Variants in UBE3D observed in about 807,000 individuals in gnomAD.
The protein encoded by UBE3D is E3 ubiquitin-protein ligase E3D.
Under a neutral mutation model 49.6 loss-of-function variants are expected in UBE3D, and 48 were observed. That is an observed-to-expected ratio of 0.97 (90% confidence interval 0.77 to 1.23). The LOEUF is 1.23. Ranked by LOEUF, UBE3D falls within the 50% of genes most tolerant of loss-of-function variation. The pLI is 0.00. For synonymous variants in UBE3D, 189 were observed against 174.2 expected, an observed-to-expected ratio of 1.08 and a Z score of -0.67; for missense variants, 452 against 468.4, an observed-to-expected ratio of 0.96 and a Z score of 0.32.
At position 82,957,390 on chromosome 6, in the gene UBE3D, G is replaced by A. The variant is rs757867856; in HGVS notation, c.1071C>T (p.Thr357=). 5.0e-6 allele frequency: 8 copies of A among 1,613,964 alleles called. No homozygotes were observed. Among genetic ancestry groups the A allele is most frequent in the Non-Finnish European group, 6.8e-6 (8 of 1,180,018 alleles). ...ACAATATCAACAGCAGCTCCAAGCA[G>A]GTTGCAGAGGGCAGGGTTAGCGGGT... ...SVHPLTLPSA[T]CLELLLILSK... is the part of the protein sequence containing the mutation. Residue 357 remains threonine (T), a synonymous_variant, in exon 9 of 10, where the codon ACC becomes ACT. Coordinates refer to ENST00000369747, the MANE Select transcript of UBE3D (RefSeq NM_198920.3).
chr6:82,953,208 T>C (rs1290179873), intron 9 of UBE3D, among the ~76,000 whole-genome samples: 1 of 152,216 alleles, frequency 6.6e-6, no homozygotes, highest in Non-Finnish European at 1.5e-5. Flanking sequence ...GCACCTCTAA[T>C]GCCTACTGCG....
chr6:83,062,024 T>C (rs1784201708), intron 1 of UBE3D, among the ~76,000 whole-genome samples: 1 of 152,226 alleles, frequency 6.6e-6, no homozygotes, highest in Non-Finnish European at 1.5e-5. Context: ...TTGTAACTTT[T>C]TTCTCCCCAT....
chr6:82,908,269 G>C (rs1048038878), intron 9 of UBE3D, among the ~76,000 whole-genome samples: 1 of 152,130 alleles, frequency 6.6e-6, no homozygotes, highest in Non-Finnish European at 1.5e-5. Context: ...GGTTACATGG[G>C]TGTGTATTAG....
intron 8 of UBE3D, among the ~76,000 whole-genome samples, chr6:82,976,092 A>C (rs1250357002): frequency 6.6e-6 from 1 of 152,254 alleles, no homozygotes; most frequent in Non-Finnish European, 1.5e-5. Context: ...ATTTTCATTA[A>C]CCAGGAACAA....
intron 8 of UBE3D, among the ~76,000 whole-genome samples, chr6:83,013,198 G>T (rs1780468700): frequency 6.6e-6 from 1 of 152,208 alleles, no homozygotes; most frequent in African/African-American, 2.4e-5. Context: ...CCCAGTTCAT[G>T]ATAGTCAGTT....
chr6:82,946,774 TTAAAGTG>T lies in UBE3D; in HGVS notation c.1149+10531_1149+10537del, dbSNP rs1178504214. ...GTTAATTAAAAAGTGGGGGACAAAGTTAAAGTGTAGAGTTTTTATTAGTTTTCTTTTT... is the reference window on the plus strand; with the variant it reads ...GTTAATTAAAAAGTGGGGGACAAAGTTAGAGTTTTTATTAGTTTTCTTTTT... On this transcript the variant is annotated intron_variant, in intron 9 of 9. Transcript: ENST00000369747. 2.0e-5 allele frequency among the ~76,000 whole-genome samples: 3 copies of T among 151,572 alleles called. No individual in the cohort carries two copies. In the East Asian group the frequency reaches 5.8e-4, roughly 29 times the overall value.
At chr6:83,065,562 C>G (rs1435811727) in intron 1 of UBE3D, 80 bp downstream of exon 1, 44 of 1,354,582 alleles carry the variant, frequency 3.2e-5, no homozygotes, top group Non-Finnish European at 4.5e-5. Context: ...ATCCCTCGTA[C>G]AGAGAGAGAC....
chr6:82,926,556 C>T (rs768031564), intron 9 of UBE3D, among the ~76,000 whole-genome samples: 5 of 152,130 alleles, frequency 3.3e-5, no homozygotes, highest in Non-Finnish European at 5.9e-5. Flanking sequence ...GCATTCTTCC[C>T]AGCAATCAAT....
chr6:82,883,354 C>T, the UBE3D span, among the ~76,000 whole-genome samples: 15 of 152,100 alleles, frequency 9.9e-5, no homozygotes, highest in Non-Finnish European at 1.5e-4. Context: ...CGATCATACC[C>T]TATTGACCCA....
intron 1 of UBE3D, among the ~76,000 whole-genome samples, chr6:83,060,818 T>C (rs1784124792): frequency 6.6e-6 from 1 of 152,060 alleles, no homozygotes; most frequent in South Asian, 2.1e-4. Flanking sequence ...TGGTATAATA[T>C]GAACAAAAAA....
intron 8 of UBE3D, among the ~76,000 whole-genome samples, chr6:83,009,202 AGAC>A (rs1582626202): frequency 6.6e-6 from 1 of 152,216 alleles, no homozygotes. Flanking sequence ...AGTTGTCAAA[AGAC>A]AAACTGGTAC....
At chr6:82,905,478 G>C (rs908689295) in intron 9 of UBE3D, among the ~76,000 whole-genome samples, 2 of 152,022 alleles carry the variant, frequency 1.3e-5, no homozygotes, top group Non-Finnish European at 2.9e-5. Flanking sequence ...ATGACCAGCC[G>C]TTACCCTGTC....
chr6:82,972,419 C>T (rs1777420093), intron 8 of UBE3D, among the ~76,000 whole-genome samples: 1 of 152,170 alleles, frequency 6.6e-6, no homozygotes, highest in Non-Finnish European at 1.5e-5. Context: ...TTCTGTCCCT[C>T]CCTCCATGGG....
chr6:82,905,685 C>A (rs1239532650), intron 9 of UBE3D, among the ~76,000 whole-genome samples: 3 of 152,098 alleles, frequency 2.0e-5, no homozygotes, highest in African/African-American at 7.2e-5. Context: ...CTGCAACATA[C>A]CAACAAACAA....
At chr6:83,013,320 G>C (rs1244711702) in intron 8 of UBE3D, among the ~76,000 whole-genome samples, 1 of 152,170 alleles carries the variant, frequency 6.6e-6, no homozygotes, top group African/African-American at 2.4e-5. Context: ...GCAGAAGATG[G>C]CAGGGCCTTA....
At chr6:82,995,872 G>T (rs1272519881) in intron 8 of UBE3D, among the ~76,000 whole-genome samples, 4 of 152,086 alleles carry the variant, frequency 2.6e-5, no homozygotes, top group African/African-American at 9.7e-5. Context: ...TTGGAGACCA[G>T]CCTGGCCAAC....
At chr6:82,893,162 G>GA in intron 9 of UBE3D, 120 bp from the exon 10 acceptor site, 1 of 1,149,640 alleles carries the variant, frequency 8.7e-7, no homozygotes, top group East Asian at 2.5e-5. Context: ...TGTTTAAACA[G>GA]AAAAATGACT....
intron 9 of UBE3D, among the ~76,000 whole-genome samples, chr6:82,912,234 C>T (rs1772578289): frequency 6.6e-6 from 1 of 151,350 alleles, no homozygotes; most frequent in Non-Finnish European, 1.5e-5. Flanking sequence ...ATATGATTTT[C>T]TATGTTCACT....
intron 8 of UBE3D, among the ~76,000 whole-genome samples, chr6:83,010,465 G>A (rs1023350751): frequency 2.0e-5 from 3 of 152,172 alleles, no homozygotes; most frequent in African/African-American, 4.8e-5. Flanking sequence ...CAAGACAGGC[G>A]AAAATAAACA....
Sources: allele counts gnomAD v4.1 joint callset (sites outside exome capture counted in the v4.1 genomes callset), GRCh38; gene constraint gnomAD v4.1.1; transcripts MANE v1.5; gene names NCBI Gene and HGNC (gene_info 2026-07-23, HGNC 2026-07-21).